The following THSD4 variants were observed in gnomAD, a reference collection of about 807,000 sequenced individuals.
THSD4 encodes thrombospondin type 1 domain containing 4.
Under a neutral mutation model 119.0 loss-of-function variants are expected in THSD4, and 69 were observed. The observed-to-expected ratio is 0.58, with a 90% CI of 0.48 to 0.71. The LOEUF (loss-of-function observed/expected upper bound fraction) is 0.71. THSD4 is among the 30% of genes least tolerant of loss of function. THSD4 has a pLI of 0.00. For synonymous variants in THSD4, 524 were observed against 540.4 expected (o/e 0.97, Z 0.42); for missense variants, 1,393 against 1,391.1 (o/e 1.00, Z -0.02).
intron 7 of THSD4, among the ~76,000 whole-genome samples, chr15:71,517,146 A>G (rs770919435): frequency 1.1e-4 from 17 of 152,228 alleles, no homozygotes; most frequent in Non-Finnish European, 2.4e-4. Context: ...AAGAACTGCT[A>G]CCAAAAATGT....
At position 71,242,867 on chromosome 15, in the gene THSD4, A is replaced by G; in HGVS notation, c.683A>G (p.Asp228Gly). 2 of 1,614,198 alleles carry G rather than the reference A, an allele frequency of 1.2e-6. No homozygotes were observed. Among genetic ancestry groups the G allele is most frequent in the East Asian group, 4.5e-5 (2 of 44,890 alleles). Reference protein sequence around the residue: ...VPQHGPLYQSDSGPRSGLQAA... With the variant: ...VPQHGPLYQSGSGPRSGLQAA... Reference sequence around the variant, plus strand: ...CAACATGGGCCTTTGTACCAAAGTGACAGTGGCCCTCGCTCTGGACTGCAG... The same window carrying G: ...CAACATGGGCCTTTGTACCAAAGTGGCAGTGGCCCTCGCTCTGGACTGCAG... The change falls in exon 5 of 18, where the codon GAC becomes GGC. Residue 228 changes from aspartate to glycine, a missense_variant. By Grantham distance (94) the Asp-to-Gly change is moderately conservative (BLOSUM62 -1). Transcript: ENST00000261862.
chr15:71,342,127 G>A (rs375582419), intron 6 of THSD4, among the ~76,000 whole-genome samples: 3 of 134,926 alleles, frequency 2.2e-5, no homozygotes, highest in African/African-American at 5.7e-5. Flanking sequence ...TGACTGAAAC[G>A]CTTCTTCATA....
intron 7 of THSD4, among the ~76,000 whole-genome samples, chr15:71,658,358 C>A (rs948277795): frequency 6.6e-6 from 1 of 152,168 alleles, no homozygotes; most frequent in African/African-American, 2.4e-5. Context: ...AACAGAAGGA[C>A]CCCTATGAGA....
At chr15:71,243,125 G>A (rs1374604993) in intron 5 of THSD4, 29 bp downstream of exon 5, 2 of 1,571,996 alleles carry the variant, frequency 1.3e-6, no homozygotes, top group East Asian at 2.2e-5. Flanking sequence ...TACCGGGCCT[G>A]GAAACAGCTG....
intron 14 of THSD4, among the ~76,000 whole-genome samples, chr15:71,749,491 G>A (rs1030925556): frequency 1.3e-5 from 2 of 152,068 alleles, no homozygotes; most frequent in Admixed American, 6.6e-5. Context: ...CCTGGGATGA[G>A]GACATGATTG....
rs149824982 is a variant in THSD4 at position 71,366,218 on chromosome 15, C to G, written c.1016-45469C>G. Among the ~76,000 whole-genome samples the G allele has an allele frequency of 2.4e-3, 363 of 152,278 alleles. 4 individuals are homozygous for G. Among genetic ancestry groups the G allele is most frequent in the African/African-American group, 8.2e-3 (340 of 41,562 alleles). On this transcript the variant is annotated intron_variant, in intron 6 of 17. Transcript: ENST00000261862. The stretch of plus-strand genomic sequence containing the variant: ...CCTCCCCAGCAGCTGGGACTACAGG[C>G]ACCCGCCTCCATGCCCGGCTAATTT...
At chr15:71,186,419 T>C (rs1278089943) in intron 3 of THSD4, 3 of 152,262 alleles carry the variant, frequency 2.0e-5, no homozygotes, top group African/African-American at 4.8e-5. Flanking sequence ...AATACCCGAC[T>C]TCAGCTCTCC....
intron 7 of THSD4, among the ~76,000 whole-genome samples, chr15:71,531,100 A>T (rs971076431): frequency 2.6e-5 from 4 of 152,074 alleles, no homozygotes; most frequent in African/African-American, 9.7e-5. Context: ...AAAATGAGTG[A>T]ACATTTGAGG....
chr15:71,205,169 T>C (rs2043833399), intron 3 of THSD4, among the ~76,000 whole-genome samples: 1 of 152,186 alleles, frequency 6.6e-6, no homozygotes, highest in Non-Finnish European at 1.5e-5. Context: ...GTCAGGTAGA[T>C]TGTGTTGCAC....
intron 7 of THSD4, among the ~76,000 whole-genome samples, chr15:71,565,586 A>G (rs2049219701): frequency 6.6e-6 from 1 of 152,358 alleles, no homozygotes; most frequent in East Asian, 1.9e-4. Context: ...AATGATTTAG[A>G]GAAGTAAAAG....
chr15:71,285,735 T>G (rs1230619227), intron 6 of THSD4, among the ~76,000 whole-genome samples: 1 of 151,800 alleles, frequency 6.6e-6, no homozygotes, highest in Non-Finnish European at 1.5e-5. Flanking sequence ...GCACCTGTAG[T>G]CCCAGCTATT....
intron 7 of THSD4, among the ~76,000 whole-genome samples, chr15:71,591,668 A>G (rs544552604): frequency 6.6e-6 from 1 of 152,016 alleles, no homozygotes; most frequent in Non-Finnish European, 1.5e-5. Flanking sequence ...GCCCAGTGTA[A>G]CCTTCTGCAA....
At chr15:71,409,081 C>T (rs541791685) in intron 6 of THSD4, among the ~76,000 whole-genome samples, 1 of 152,096 alleles carries the variant, frequency 6.6e-6, no homozygotes, top group African/African-American at 2.4e-5. Flanking sequence ...AGAGTTAAGG[C>T]CATTCCTCTG....
intron 11 of THSD4, among the ~76,000 whole-genome samples, chr15:71,742,338 A>G (rs1202780622): frequency 1.3e-5 from 2 of 152,226 alleles, no homozygotes; most frequent in Non-Finnish European, 2.9e-5. Context: ...GCCTCTGTCA[A>G]ACTCTTGGCT....
intron 7 of THSD4, among the ~76,000 whole-genome samples, chr15:71,551,196 A>T (rs1319800052): frequency 6.6e-6 from 1 of 152,266 alleles, no homozygotes; most frequent in Non-Finnish European, 1.5e-5. Context: ...TTGAATGTGC[A>T]TAAAATGCTC....
chr15:71,564,732 AT>A, intron 7 of THSD4, among the ~76,000 whole-genome samples: 1 of 112,818 alleles, frequency 8.9e-6, no homozygotes, highest in African/African-American at 3.4e-5. Flanking sequence ...ATATTATAAC[AT>A]ATAATACAAT....
chr15:71,214,976 C>A, intron 3 of THSD4, 59 bp from the exon 4 acceptor site: 1 of 1,226,064 alleles, frequency 8.2e-7, no homozygotes, highest in Non-Finnish European at 1.0e-6. Flanking sequence ...CTGCTCAAAG[C>A]TTTTCGGGTG....
chr15:71,403,836 GAC>G (rs2046571249), intron 6 of THSD4, among the ~76,000 whole-genome samples: 1 of 74,698 alleles, frequency 1.3e-5, no homozygotes, highest in East Asian at 6.3e-4. Context: ...AAGGGAAACT[GAC>G]ACATACTAAT....
chr15:71,672,890 A>C (rs1271752979), intron 8 of THSD4, among the ~76,000 whole-genome samples: 3 of 152,246 alleles, frequency 2.0e-5, no homozygotes, highest in South Asian at 2.1e-4. Flanking sequence ...TTCGGTTTGC[A>C]AGTATTTTAT....
Sources: allele counts gnomAD v4.1 joint callset (sites outside exome capture counted in the v4.1 genomes callset), GRCh38; gene constraint gnomAD v4.1.1; transcripts MANE v1.5; gene names NCBI Gene and HGNC (gene_info 2026-07-23, HGNC 2026-07-21).